The following ITM2B variants were observed in gnomAD, a reference collection of about 807,000 sequenced individuals.
The protein encoded by ITM2B is ABri/ADan amyloid peptide.
In ITM2B, 11 loss-of-function variants were observed where a neutral mutation model predicts 27.8. The ratio of observed to expected loss-of-function variants is 0.40; its 90% CI spans 0.25 to 0.66. The LOEUF (loss-of-function observed/expected upper bound fraction) is 0.66, where lower values mean the gene tolerates loss of function less well. Among genes scored for constraint, ITM2B ranks in the 30% least tolerant of loss-of-function variants. ITM2B has a pLI of 0.43. For missense variants in ITM2B, 296 were observed against 328.9 expected, an observed-to-expected ratio of 0.90 and a Z score of 0.77; for synonymous variants, 114 against 114.3, an observed-to-expected ratio of 1.00 and a Z score of 0.02.
At chr13:48,239,487 C>A (rs1317833801) in intron 1 of ITM2B, among the ~76,000 whole-genome samples, 1 of 152,188 alleles carries the variant, frequency 6.6e-6, no homozygotes, top group Admixed American at 6.5e-5. Flanking sequence ...CAAAAATTAG[C>A]CAGGCGTGGT....
chr13:48,247,059 C>A (rs902909094), intron 1 of ITM2B, among the ~76,000 whole-genome samples: 1 of 152,310 alleles, frequency 6.6e-6, no homozygotes, highest in East Asian at 1.9e-4. Flanking sequence ...ATCTCCTGAC[C>A]TTGTGATCCA....
At chr13:48,256,413 A>C in intron 3 of ITM2B, 30 bp downstream of exon 3, 1 of 1,478,178 alleles carries the variant, frequency 6.8e-7, no homozygotes, top group Non-Finnish European at 9.5e-7. Flanking sequence ...TTGTAGAAAG[A>C]ATGCAGGTTC....
In ITM2B at chr13:48,258,817, G is replaced by C. The variant is rs373587210; in HGVS notation, c.585G>C (p.Gln195His). Residue 195 changes from glutamine to histidine, a missense_variant, in exon 5 of 6, where the codon CAG becomes CAC. Gln to His is a conservative substitution (Grantham distance 24). Transcript: ENST00000647800. Reference sequence around the variant, plus strand: ...TGTAGGCTGGAACCTATTTGCCTCAGTCCTATCTGATTCATGAGCACATGG... The same window carrying C: ...TGTAGGCTGGAACCTATTTGCCTCACTCCTATCTGATTCATGAGCACATGG... ...INIKAGTYLP[Q>H]SYLIHEHMVI... 5.0e-6 allele frequency: 8 copies of C among 1,613,734 alleles called. No homozygotes were observed. The African/African-American group carries it at 1.1e-4, about 22-fold the overall frequency.
At chr13:48,241,979 T>G (rs1055305372) in intron 1 of ITM2B, among the ~76,000 whole-genome samples, 4 of 152,236 alleles carry the variant, frequency 2.6e-5, no homozygotes, top group African/African-American at 4.8e-5. Flanking sequence ...AAATATTTGC[T>G]TATACTGCTG....
At chr13:48,250,085 G>C (rs909775532) in intron 1 of ITM2B, among the ~76,000 whole-genome samples, 1 of 152,008 alleles carries the variant, frequency 6.6e-6, no homozygotes, top group Admixed American at 6.5e-5. Flanking sequence ...ACTATAAATC[G>C]CTCAAAGTAG....
In ITM2B at chr13:48,268,429, A is replaced by G. The variant is rs1308561071; in HGVS notation, c.*7205A>G. ...GCCATCCTCTAACCTCAGCCTCCCG[A>G]GTAGCTAAGACTCTACAGGCGTATG... On this transcript the variant is annotated 3_prime_UTR_variant, in exon 6 of 6. Transcript: ENST00000647800. 1 of 151,698 alleles carries G rather than the reference A, an allele frequency of 6.6e-6. No homozygotes were observed. Among genetic ancestry groups the G allele is most frequent in the Non-Finnish European group, 1.5e-5 (1 of 67,960 alleles). The allele number at this position is 151,698 out of a possible 1,614,324, so 9.4% of individuals were successfully genotyped here. A position where few individuals can be genotyped will look rare whatever the true frequency, so the allele number is the denominator to read the frequency against.
At chr13:48,251,847 A>G (rs1195634108) in intron 1 of ITM2B, among the ~76,000 whole-genome samples, 1 of 152,214 alleles carries the variant, frequency 6.6e-6, no homozygotes, top group East Asian at 1.9e-4. Flanking sequence ...TATGTCAGAC[A>G]AGGGCTCAAG....
rs1199014686 is a variant in ITM2B at position 48,255,212 on chromosome 13, TGTGTGTGTA to T, written c.247-947_247-939del. On this transcript the variant is annotated intron_variant, in intron 2 of 5. Transcript: ENST00000647800. ...CATTTTGTATACCCTTAGTCTTTAT[TGTGTGTGTA>T]GTGTGTGTAGTGTGTGTGTGTGTGT... 2.9e-3 allele frequency among the ~76,000 whole-genome samples: 440 copies of T among 149,234 alleles called. 1 individual carries two copies. Among genetic ancestry groups the T allele is most frequent in the Non-Finnish European group, 4.5e-3 (304 of 67,594 alleles).
intron 1 of ITM2B, among the ~76,000 whole-genome samples, chr13:48,246,790 A>G (rs1328442966): frequency 6.6e-6 from 1 of 152,152 alleles, no homozygotes; most frequent in African/African-American, 2.4e-5. Context: ...AAGATAAGAG[A>G]GAAGTTGAAA....
rs997089155 is a variant in ITM2B, at chr13:48,246,871, C to T, written c.118-6937C>T. 2.0e-5 allele frequency among the ~76,000 whole-genome samples: 3 copies of T among 152,146 alleles called. No homozygotes were observed. In the East Asian group the frequency reaches 5.8e-4, roughly 29 times the overall value. ...TTGAGATGGAGTCTCGCTCTGTCAC[C>T]AGGCTGGAGTGCAGTGGCATCATCT... On this transcript the variant is annotated intron_variant, in intron 1 of 5. Transcript: ENST00000647800.
chr13:48,239,822 T>C (rs556543431), intron 1 of ITM2B, among the ~76,000 whole-genome samples: 1 of 152,324 alleles, frequency 6.6e-6, no homozygotes, highest in East Asian at 1.9e-4. Context: ...ACTGGCAAAT[T>C]ATAGCCTATA....
chr13:48,248,730 A>T (rs560074129), intron 1 of ITM2B, among the ~76,000 whole-genome samples: 1 of 152,234 alleles, frequency 6.6e-6, no homozygotes, highest in Non-Finnish European at 1.5e-5. Context: ...AAAAAAAGTC[A>T]TAATGGTTTA....
chr13:48,246,058 G>A (rs1415819576), intron 1 of ITM2B, among the ~76,000 whole-genome samples: 7 of 152,148 alleles, frequency 4.6e-5, no homozygotes, highest in African/African-American at 1.7e-4. Flanking sequence ...GATTACAGGC[G>A]TGAGCCACTG....
intron 2 of ITM2B, chr13:48,255,108 T>G (rs1202836307): frequency 1.3e-5 from 2 of 152,230 alleles, no homozygotes; most frequent in African/African-American, 4.8e-5. Context: ...ACTCCTGACC[T>G]CAGGCGATCC....
intron 1 of ITM2B, among the ~76,000 whole-genome samples, chr13:48,238,191 A>G (rs1159950527): frequency 1.3e-5 from 2 of 152,206 alleles, no homozygotes; most frequent in Non-Finnish European, 2.9e-5. Context: ...TCATTTTTGA[A>G]AAATTTCCAC....
intron 1 of ITM2B, among the ~76,000 whole-genome samples, chr13:48,252,503 C>A (rs961983750): frequency 6.6e-6 from 1 of 152,146 alleles, no homozygotes; most frequent in Non-Finnish European, 1.5e-5. Context: ...TTATGAGAAT[C>A]TAATGCCTGG....
Position 48,264,403 on chromosome 13 carries a change from A to G in ITM2B, c.*3179A>G, listed in dbSNP as rs1224116721. ...TCTCGAATAATAGAAGTAGGAGTGT[A>G]AAACTTAAAGGCTGATTAATAATGC... On this transcript the variant is annotated 3_prime_UTR_variant, in exon 6 of 6. Coordinates refer to ENST00000647800, the MANE Select transcript of ITM2B (RefSeq NM_021999.5). 6.6e-6 allele frequency: 1 copy of G among 152,172 alleles called. No individual in the cohort carries two copies. The highest frequency in any genetic ancestry group is 2.4e-5 in the African/African-American group (1 of 41,436). The allele number at this position is 152,172 out of a possible 1,614,324, so 9.4% of individuals were successfully genotyped here.
intron 1 of ITM2B, among the ~76,000 whole-genome samples, chr13:48,233,703 C>T (rs1001770036): frequency 1.3e-5 from 2 of 152,040 alleles, no homozygotes; most frequent in Non-Finnish European, 2.9e-5. Flanking sequence ...GCTTGGGAGG[C>T]CTGGAGAGGG....
chr13:48,252,657 T>C (rs533297161), intron 1 of ITM2B, among the ~76,000 whole-genome samples: 1 of 152,342 alleles, frequency 6.6e-6, no homozygotes, highest in Non-Finnish European at 1.5e-5. Context: ...GATCCTGTTT[T>C]TGTGCATCAT....
Sources: allele counts gnomAD v4.1 joint callset (sites outside exome capture counted in the v4.1 genomes callset), GRCh38; gene constraint gnomAD v4.1.1; transcripts MANE v1.5; gene names NCBI Gene and HGNC (gene_info 2026-07-23, HGNC 2026-07-21).